The following MYH7B variants were observed in gnomAD, a reference collection of about 807,000 sequenced individuals.
MYH7B encodes the protein myosin heavy chain 7B.
Under a neutral mutation model 234.5 loss-of-function variants are expected in MYH7B, and 205 were observed. The ratio of observed to expected loss-of-function variants is 0.87; its 90% CI spans 0.78 to 0.98. The LOEUF is 0.98. MYH7B is among the 50% of genes least tolerant of loss of function. MYH7B has a pLI of 0.00. For missense variants in MYH7B, 2,652 were observed against 2,633.4 expected (o/e 1.01, Z -0.15); for synonymous variants, 1,193 against 1,105.0 (o/e 1.08, Z -1.58).
chr20:34,996,801 A>G (rs2082268518), intron 30 of MYH7B, 43 bp downstream of exon 30: 1 of 1,586,142 alleles, frequency 6.3e-7, no homozygotes. Context: ...CTGAGCCTGC[A>G]CCTGGCCCTT....
rs199733524 is a variant in MYH7B at position 34,981,295 on chromosome 20, C to T, written c.527+235C>T. ...AGGGGACACCCACAAACGGAGTGAC[C>T]ACCAGCCCCACACCTCCTCTCCCCG... On this transcript the variant is annotated intron_variant, in intron 9 of 44. Coordinates refer to ENST00000262873, the Ensembl canonical transcript of MYH7B. 2.7e-5 allele frequency: 13 copies of T among 482,448 alleles called. No individual in the cohort carries two copies. The East Asian group carries it at 4.7e-4, about 18-fold the overall frequency. 29.9% of individuals were successfully genotyped at this position (482,448 alleles called of 1,614,324 possible).
intron 10 of MYH7B, 66 bp from the exon 11 acceptor site, chr20:34,984,626 C>A: frequency 2.0e-6 from 3 of 1,464,962 alleles, no homozygotes; most frequent in Non-Finnish European, 2.8e-6. Context: ...CGCTGATACC[C>A]TGCCCCACCC....
At chr20:34,967,239 T>C (rs1156470449) in intron 2 of MYH7B, among the ~76,000 whole-genome samples, 1 of 150,688 alleles carries the variant, frequency 6.6e-6, no homozygotes, top group Non-Finnish European at 1.5e-5. Flanking sequence ...AAAAAAAAAA[T>C]AGGAAATTTA....
intron 22 of MYH7B, 91 bp from the exon 23 acceptor site, chr20:34,990,647 C>T: frequency 3.3e-6 from 4 of 1,207,610 alleles, no homozygotes; most frequent in Non-Finnish European, 4.9e-6. Context: ...GCACTTAGGG[C>T]CCTGCTCCCG....
At chr20:34,986,278 G>C in intron 14 of MYH7B, 80 bp downstream of exon 14, 1 of 1,132,914 alleles carries the variant, frequency 8.8e-7, no homozygotes, top group Admixed American at 2.0e-5. Flanking sequence ...CATCAGGCCA[G>C]GCCCTGGTGG....
chr20:34,977,725 G>A (rs117616040), intron 4 of MYH7B, 45 bp downstream of exon 4: 1 of 1,361,978 alleles, frequency 7.3e-7, no homozygotes, highest in South Asian at 1.3e-5. Flanking sequence ...AGGGCAGGAG[G>A]GTGGGCGGGT....
chr20:34,999,259 G>C, exon 36 of MYH7B: 2 of 1,601,146 alleles, frequency 1.2e-6, no homozygotes, highest in South Asian at 1.1e-5. Context: ...GAACGGCGGC[G>C]GCAGGAGGAG....
chr20:34,977,858 G>A, intron 4 of MYH7B, 76 bp from the exon 5 acceptor site: 1 of 1,583,466 alleles, frequency 6.3e-7, no homozygotes, highest in Non-Finnish European at 8.6e-7. Flanking sequence ...GAGCCAGAGG[G>A]AGTCGCCTAG....
exon 5 of MYH7B, chr20:34,977,958 AACCT>A: frequency 6.2e-7 from 1 of 1,613,854 alleles, no homozygotes; most frequent in South Asian, 1.1e-5. Flanking sequence ...GGCCGCCTTG[AACCT>A]CCAGGGTTTC....
intron 13 of MYH7B, 41 bp from the exon 14 acceptor site, chr20:34,986,059 G>A: frequency 6.6e-7 from 1 of 1,512,258 alleles, no homozygotes; most frequent in Non-Finnish European, 9.0e-7. Flanking sequence ...TCCACTCTGG[G>A]GAGGTGTGGG....
At chr20:34,982,716 A>C (rs2081959269) in intron 10 of MYH7B, among the ~76,000 whole-genome samples, 161 bp downstream of exon 10, 1 of 151,830 alleles carries the variant, frequency 6.6e-6, no homozygotes. Context: ...TGGCCTGAGC[A>C]AGGCTTGACC....
chr20:34,975,296 C>T (rs1475070), intron 2 of MYH7B, 104 bp from the exon 3 acceptor site: 120,447 of 451,636 alleles, frequency 0.27, 17,224 homozygotes, highest in Non-Finnish European at 0.3. Context: ...CCTCTGCCTC[C>T]TGGGTTCAAG....
Position 34,998,699 on chromosome 20 carries a change from G to T in MYH7B, c.3994-20G>T. ...AGCCACTGGGCTGCACTAACGCTGA[G>T]GTCACTGGTGTCCCTGCAGGCCAAG... On this transcript the variant is annotated intron_variant, in intron 34 of 44. Transcript: ENST00000262873. 1.2e-6 allele frequency: 2 copies of T among 1,611,500 alleles called. No individual in the cohort carries two copies. The highest frequency in any genetic ancestry group is 1.1e-5 in the South Asian group (1 of 90,994).
Position 34,984,686 on chromosome 20 carries a change from C to T in MYH7B, c.625-6C>T, listed in dbSNP as rs2081988424. The stretch of plus-strand genomic sequence containing the variant: ...CCCTCTAATGTTGTCTGTCTTCTTC[C>T]CCCAGCAATTTCTGGCAACAAAGAC... On this transcript the variant is annotated splice_polypyrimidine_tract_variant and splice_region_variant and intron_variant, in intron 10 of 44. Coordinates refer to ENST00000262873, the Ensembl canonical transcript of MYH7B. 3 of 1,604,402 alleles carry T rather than the reference C, an allele frequency of 1.9e-6. No homozygotes were observed. In the African/African-American group the frequency reaches 4.0e-5, roughly 22 times the overall value.
chr20:34,986,783 C>G lies in MYH7B; in HGVS notation c.905-103C>G, dbSNP rs185134541. On this transcript the variant is annotated intron_variant, in intron 14 of 44. Coordinates refer to ENST00000262873, the Ensembl canonical transcript of MYH7B. ...AGGTCCTCTGGGAGGGCCCTAGACT[C>G]CTGCTGGGCTTGCCCCCGCAGGACC... The G allele has an allele frequency of 5.5e-6, 5 of 901,042 alleles. No individual in the cohort carries two copies. In the East Asian group the frequency reaches 1.2e-4, roughly 22 times the overall value. 55.8% of individuals were successfully genotyped at this position (901,042 alleles called of 1,614,324 possible). A position where few individuals can be genotyped will look rare whatever the true frequency, so the allele number is the denominator to read the frequency against.
intron 9 of MYH7B, 133 bp downstream of exon 9, chr20:34,981,193 C>T (rs185793249): frequency 8.9e-7 from 1 of 1,127,498 alleles, no homozygotes; most frequent in Non-Finnish European, 1.3e-6. Flanking sequence ...AGCTAGTGTC[C>T]CAGCTGAAGC....
Position 34,990,840 on chromosome 20 carries a change from C to T in MYH7B, c.2065+15C>T. ...CAAAACCCCAGGTAGTCACCCAGGG[C>T]TGGCCTGGCTGGGGCCGGGAGGCAT... On this transcript the variant is annotated intron_variant, in intron 23 of 44. Coordinates refer to ENST00000262873, the Ensembl canonical transcript of MYH7B. The T allele has an allele frequency of 2.5e-6, 4 of 1,613,770 alleles. No individual in the cohort carries two copies. Among genetic ancestry groups the T allele is most frequent in the Non-Finnish European group, 1.7e-6 (2 of 1,179,684 alleles).
At chr20:34,989,172 T>C (rs1298263656) in intron 19 of MYH7B, among the ~76,000 whole-genome samples, 1 of 152,232 alleles carries the variant, frequency 6.6e-6, no homozygotes, top group Non-Finnish European at 1.5e-5. Context: ...TGAAAATGTA[T>C]TTTGAATGCT....
chr20:34,959,662 G>A (rs1246703421), intron 2 of MYH7B, among the ~76,000 whole-genome samples: 1 of 151,588 alleles, frequency 6.6e-6, no homozygotes, highest in Non-Finnish European at 1.5e-5. Flanking sequence ...TATTTTTAGT[G>A]GAGACAGGGT....
Sources: allele counts gnomAD v4.1 joint callset (sites outside exome capture counted in the v4.1 genomes callset), GRCh38; gene constraint gnomAD v4.1.1; transcripts MANE v1.5; gene names NCBI Gene and HGNC (gene_info 2026-07-23, HGNC 2026-07-21).